The following CRACD variants were observed in gnomAD, a reference collection of about 807,000 sequenced individuals.
CRACD encodes capping protein inhibiting regulator of actin dynamics.
CRACD carries 56 observed loss-of-function variants against 106.8 expected under a neutral mutation model. That is an observed-to-expected ratio of 0.52 (90% CI 0.42 to 0.66). The LOEUF is 0.66. CRACD is among the 30% of genes least tolerant of loss of function. The pLI is 0.00. For missense variants in CRACD, 1,730 were observed against 1,623.2 expected (o/e 1.07, Z -1.13); for synonymous variants, 754 against 670.8 (o/e 1.12, Z -1.92).
chr4:56,209,770 A>G (rs1738309261), intron 2 of CRACD, among the ~76,000 whole-genome samples: 1 of 152,208 alleles, frequency 6.6e-6, no homozygotes. Flanking sequence ...CTTTAACATA[A>G]CATCACTTTA....
chr4:56,073,180 C>G (rs565481180), intron 1 of CRACD, among the ~76,000 whole-genome samples: 34 of 152,316 alleles, frequency 2.2e-4, no homozygotes, highest in African/African-American at 7.9e-4. Flanking sequence ...GGAATCACCA[C>G]ACTGTCTTCC....
Position 56,314,986 on chromosome 4 carries a change from A to G in CRACD, c.1484A>G (p.Glu495Gly). 1 of 1,587,052 alleles carries G rather than the reference A, an allele frequency of 6.3e-7. No homozygotes were observed. The highest frequency in any genetic ancestry group is 8.6e-7 in the Non-Finnish European group (1 of 1,167,986). ...EGDTEPLLKQ[E>G]GPVEAAQPPV... ...GACACGGAGCCTCTCCTGAAACAAG[A>G]GGGGCCGGTGGAAGCCGCGCAGCCT... Residue 495 changes from glutamate (E) to glycine (G), a missense_variant, in exon 8 of 11, where the codon GAG becomes GGG. By Grantham distance (98) the Glu-to-Gly change is moderately conservative (BLOSUM62 -2). Around this residue, in one of 5 missense-constraint regions of CRACD, gnomAD observed 1,620 missense variants for 1,481.6 expected, o/e 1.09. Transcript: ENST00000682029. The surrounding 1 kb of genome is among the most constrained non-coding windows in gnomAD (Gnocchi z 4.4).
At chr4:56,262,158 G>T (rs1476575455) in intron 2 of CRACD, among the ~76,000 whole-genome samples, 2 of 152,192 alleles carry the variant, frequency 1.3e-5, no homozygotes, top group Non-Finnish European at 2.9e-5. Flanking sequence ...AAATTTGCCT[G>T]TGGACTTGGA....
intron 2 of CRACD, among the ~76,000 whole-genome samples, chr4:56,186,720 C>A (rs970914536): frequency 6.6e-6 from 1 of 152,128 alleles, no homozygotes; most frequent in Non-Finnish European, 1.5e-5. Flanking sequence ...TAACAGAGAA[C>A]TGTAAGTAGT....
At chr4:56,248,275 C>T (rs1257195484) in intron 2 of CRACD, among the ~76,000 whole-genome samples, 1 of 152,170 alleles carries the variant, frequency 6.6e-6, no homozygotes, top group East Asian at 1.9e-4. Context: ...GAGCTGACAT[C>T]TTACTATGGA....
chr4:56,224,244 C>T (rs191907948), intron 2 of CRACD, among the ~76,000 whole-genome samples: 165 of 152,030 alleles, frequency 1.1e-3, no homozygotes, highest in Admixed American at 2.1e-3. Flanking sequence ...CTATGCTTTT[C>T]CATTTGGTCA....
At chr4:56,286,890 G>C (rs553049848) in intron 3 of CRACD, among the ~76,000 whole-genome samples, 1 of 152,238 alleles carries the variant, frequency 6.6e-6, no homozygotes, top group African/African-American at 2.4e-5. Flanking sequence ...AGCTTCACCT[G>C]AGCAAAGGTT....
intron 1 of CRACD, among the ~76,000 whole-genome samples, chr4:56,107,471 T>TC (rs1226781561): frequency 2.0e-5 from 3 of 152,170 alleles, no homozygotes; most frequent in Non-Finnish European, 2.9e-5. Context: ...CCTTTTTTTT[T>TC]CTCTCCTCTT....
intron 1 of CRACD, among the ~76,000 whole-genome samples, chr4:56,094,496 T>C (rs1172772808): frequency 2.7e-5 from 4 of 149,752 alleles, no homozygotes; most frequent in Non-Finnish European, 5.9e-5. Flanking sequence ...TGGTGGGATC[T>C]CGGCTCACTG....
chr4:56,142,646 C>T (rs922494165), intron 1 of CRACD, among the ~76,000 whole-genome samples: 6 of 152,048 alleles, frequency 3.9e-5, no homozygotes, highest in African/African-American at 1.2e-4. Flanking sequence ...CTATTTATAA[C>T]ATTTTCTTTT....
chr4:56,200,453 G>C (rs1042567892), intron 2 of CRACD, among the ~76,000 whole-genome samples: 1 of 152,020 alleles, frequency 6.6e-6, no homozygotes, highest in African/African-American at 2.4e-5. Context: ...CTCTACACAG[G>C]GGCTCTGTAA....
At chr4:56,144,658 TTC>T (rs1040379746) in intron 1 of CRACD, among the ~76,000 whole-genome samples, 45 of 131,494 alleles carry the variant, frequency 3.4e-4, no homozygotes, top group South Asian at 2.7e-4. Flanking sequence ...TTCTTTCTTC[TTC>T]TTTTTTTTTT....
At chr4:56,121,209 G>A (rs957965962) in intron 1 of CRACD, among the ~76,000 whole-genome samples, 6 of 152,112 alleles carry the variant, frequency 3.9e-5, no homozygotes, top group African/African-American at 1.2e-4. Context: ...AATTTCAATT[G>A]TAAAGATACT....
At chr4:56,203,661 G>A (rs908531225) in intron 2 of CRACD, among the ~76,000 whole-genome samples, 8 of 152,180 alleles carry the variant, frequency 5.3e-5, no homozygotes, top group Non-Finnish European at 8.8e-5. Context: ...ATAATTTGCA[G>A]GGTCCAGTGC....
intron 1 of CRACD, among the ~76,000 whole-genome samples, chr4:56,130,843 C>T (rs1186487227): frequency 2.0e-5 from 3 of 152,142 alleles, no homozygotes; most frequent in Admixed American, 6.5e-5. Flanking sequence ...CCTGTCTTCT[C>T]CTCTTCCCAC....
At chr4:56,189,045 G>C (rs950721185) in intron 2 of CRACD, among the ~76,000 whole-genome samples, 2 of 152,110 alleles carry the variant, frequency 1.3e-5, no homozygotes, top group Admixed American at 6.5e-5. Context: ...TTAGCCAGAT[G>C]TGTGGCATGC....
intron 1 of CRACD, among the ~76,000 whole-genome samples, chr4:56,049,611 C>T (rs1731799997): frequency 6.6e-6 from 1 of 152,164 alleles, no homozygotes; most frequent in Non-Finnish European, 1.5e-5. Context: ...TCTCCTCTTC[C>T]CGCGCCTCGC....
At chr4:56,195,736 T>C (rs1480260888) in intron 2 of CRACD, among the ~76,000 whole-genome samples, 1 of 152,240 alleles carries the variant, frequency 6.6e-6, no homozygotes, top group Non-Finnish European at 1.5e-5. Context: ...TGAAAACTTC[T>C]GCGTTATTGG....
In CRACD at chr4:56,285,596, C is replaced by T. The variant is rs575557137; in HGVS notation, c.-16-12618C>T. Among the ~76,000 whole-genome samples the T allele has an allele frequency of 1.3e-3, 203 of 152,226 alleles. 1 individual carries two copies. Among genetic ancestry groups the T allele is most frequent in the African/African-American group, 4.7e-3 (197 of 41,544 alleles). The stretch of plus-strand genomic sequence containing the variant: ...CTGGGACAACAGGCACGGGCCACCA[C>T]GCCCCATGAATTTTTTATTTTTTAT... On this transcript the variant is annotated intron_variant, in intron 3 of 10. Transcript: ENST00000682029.
Sources: gnomAD v4.1 joint callset for allele counts (sites outside exome capture counted in the v4.1 genomes callset) on GRCh38, gnomAD v4.1.1 for gene constraint, gnomAD v4.1.1 regional missense constraint, Gnocchi (gnomAD v3.1) non-coding constraint, MANE v1.5 for transcripts, NCBI Gene and HGNC (gene_info 2026-07-23, HGNC 2026-07-21) for gene names.